MESP1: variants seen among roughly 807,000 people sequenced by gnomAD.
MESP1 encodes the protein mesoderm posterior bHLH transcription factor 1.
A neutral mutation model predicts 15.2 loss-of-function variants in MESP1; 22 were observed. The observed-to-expected ratio is 1.45, with a 90% CI of 1.04 to 2.07. MESP1 has a LOEUF of 2.07. Ranked by LOEUF, MESP1 falls within the 30% of genes most tolerant of loss-of-function variation. The pLI is 0.00. For missense variants in MESP1, 484 were observed against 411.9 expected (o/e 1.17, Z -1.51); for synonymous variants, 216 against 192.6 (o/e 1.12, Z -1.01).
the MESP1 span, among the ~76,000 whole-genome samples, chr15:89,736,409 C>T: frequency 6.6e-6 from 1 of 152,130 alleles, no homozygotes; most frequent in Admixed American, 6.5e-5. Flanking sequence ...ATTCCATGCT[C>T]ACCAGCCAGG....
chr15:89,742,947 C>T, the MESP1 span, among the ~76,000 whole-genome samples: 3 of 152,228 alleles, frequency 2.0e-5, no homozygotes, highest in African/African-American at 7.2e-5. Flanking sequence ...CCTCAATAGT[C>T]ATCCATGGTG....
Position 89,750,084 on chromosome 15 carries a change from T to G in MESP1, c.*60A>C, listed in dbSNP as rs1968051767. 2 of 1,502,186 alleles carry G rather than the reference T, an allele frequency of 1.3e-6. No individual in the cohort carries two copies. Among genetic ancestry groups the G allele is most frequent in the African/African-American group, 2.8e-5 (2 of 72,592 alleles). 93.1% of individuals were successfully genotyped at this position (1,502,186 alleles called of 1,614,324 possible). ...AAAGGCAGTCTGCCAAGGAACCACT[T>G]CGAAGGTGCTGAGGCCAAAAAGCCT... is the stretch of plus-strand genomic sequence containing the variant. On this transcript the variant is annotated 3_prime_UTR_variant, in exon 2 of 2. Transcript: ENST00000300057.
At chr15:89,740,512 T>C in the MESP1 span, among the ~76,000 whole-genome samples, 1 of 152,178 alleles carries the variant, frequency 6.6e-6, no homozygotes, top group African/African-American at 2.4e-5. Context: ...TTTTTGTTTT[T>C]GTTTTTGAAA....
chr15:89,744,742 C>T, the MESP1 span, among the ~76,000 whole-genome samples: 3 of 152,180 alleles, frequency 2.0e-5, no homozygotes, highest in Non-Finnish European at 4.4e-5. Context: ...CTTAGCCATC[C>T]AGGAGTCACA....
chr15:89,743,864 G>A, the MESP1 span, among the ~76,000 whole-genome samples: 3 of 152,070 alleles, frequency 2.0e-5, no homozygotes, highest in Non-Finnish European at 2.9e-5. Flanking sequence ...TAGCTTTGAG[G>A]AGGTGAGGCT....
chr15:89,736,191 CA>C, the MESP1 span, among the ~76,000 whole-genome samples: 1 of 152,214 alleles, frequency 6.6e-6, no homozygotes, highest in Non-Finnish European at 1.5e-5. Flanking sequence ...CGATGGACTC[CA>C]CATTCTTCAC....
Position 89,750,719 on chromosome 15 carries a change from G to T in MESP1, c.513C>A (p.Pro171=). 3 of 1,396,320 alleles carry T rather than the reference G, an allele frequency of 2.1e-6. No homozygotes were observed. The South Asian group carries it at 4.8e-5, about 22-fold the overall frequency. 86.5% of individuals were successfully genotyped at this position (1,396,320 alleles called of 1,614,324 possible). ...RGCPLCPDDC[P]AQMQTRTQAE... Reference sequence around the variant, plus strand: ...CCTGCGTCCGTGTCTGCATCTGCGCGGGGCAGTCGTCGGGGCACAGCGGGC... The same window carrying T: ...CCTGCGTCCGTGTCTGCATCTGCGCTGGGCAGTCGTCGGGGCACAGCGGGC... Residue 171 remains proline (P), a synonymous_variant, in exon 1 of 2, where the codon CCC becomes CCA. Coordinates refer to ENST00000300057, the MANE Select transcript of MESP1 (RefSeq NM_018670.4).
rs1263474065 is a variant in MESP1 at position 89,750,085 on chromosome 15, C to G, written c.*59G>C. The G allele has an allele frequency of 2.0e-6, 3 of 1,505,142 alleles. No individual in the cohort carries two copies. Among genetic ancestry groups the G allele is most frequent in the African/African-American group, 2.8e-5 (2 of 72,716 alleles). 93.2% of individuals were successfully genotyped at this position (1,505,142 alleles called of 1,614,324 possible). On this transcript the variant is annotated 3_prime_UTR_variant, in exon 2 of 2. Transcript: ENST00000300057. ...AAGGCAGTCTGCCAAGGAACCACTT[C>G]GAAGGTGCTGAGGCCAAAAAGCCTC...
chr15:89,736,747 G>A, the MESP1 span, among the ~76,000 whole-genome samples: 227 of 152,022 alleles, frequency 1.5e-3, no homozygotes, highest in Middle Eastern at 0.014. Flanking sequence ...GTGTGGGGAG[G>A]GGAAAGTGGT....
At chr15:89,743,400 C>A in the MESP1 span, 145 of 1,613,846 alleles carry the variant, frequency 9.0e-5, no homozygotes, top group African/African-American at 1.7e-3. Flanking sequence ...GAGGCTGCCA[C>A]CGCCCTGGGA....
downstream of MESP1, among the ~76,000 whole-genome samples, chr15:89,747,318 C>T (rs1006897892): frequency 1.3e-5 from 2 of 152,196 alleles, no homozygotes; most frequent in African/African-American, 4.8e-5. Flanking sequence ...ACCTTGCCAG[C>T]GGCCCTGAGC....
chr15:89,736,603 G>A, the MESP1 span, among the ~76,000 whole-genome samples: 2 of 152,102 alleles, frequency 1.3e-5, no homozygotes, highest in Admixed American at 1.3e-4. Flanking sequence ...TGCAAGCAGA[G>A]AGGAGAGTCT....
chr15:89,738,921 C>T, the MESP1 span, among the ~76,000 whole-genome samples: 1 of 152,040 alleles, frequency 6.6e-6, no homozygotes, highest in Non-Finnish European at 1.5e-5. Flanking sequence ...TTGAGACCAG[C>T]CTGGCCAACA....
the MESP1 span, chr15:89,743,634 C>T: frequency 1.9e-6 from 1 of 536,578 alleles, no homozygotes; most frequent in Non-Finnish European, 3.4e-6. Flanking sequence ...GATATTGTCT[C>T]CAGACTCCCA....
At chr15:89,737,007 G>A in the MESP1 span, among the ~76,000 whole-genome samples, 22,497 of 152,130 alleles carry the variant, frequency 0.15, 1,805 homozygotes, top group Middle Eastern at 0.24. Flanking sequence ...TAGCCAGGAT[G>A]GTCTCGATCT....
chr15:89,747,043 T>C (rs1225839533), downstream of MESP1, among the ~76,000 whole-genome samples: 7 of 66,522 alleles, frequency 1.1e-4, no homozygotes, highest in Non-Finnish European at 1.4e-4. Context: ...CACACACACA[T>C]GCGCATGCAC....
rs776942668 is a variant in MESP1 at position 89,750,886 on chromosome 15, C to G, written c.346G>C (p.Ala116Pro). The change falls in exon 1 of 2, where the codon GCG (alanine) becomes CCG (proline). Residue 116 changes from alanine (A) to proline (P), a missense_variant. By Grantham distance (27) the Ala-to-Pro change is conservative. Coordinates refer to ENST00000300057, the MANE Select transcript of MESP1 (RefSeq NM_018670.4). The part of the protein sequence containing the change: ...RRFLPPSVAP[A>P]GQSLTKIETL... Reference sequence around the variant, plus strand: ...TCGATCTTGGTCAGGCTCTGGCCCGCGGGCGCCACGGACGGCGGTAGAAAG... The same window carrying G: ...TCGATCTTGGTCAGGCTCTGGCCCGGGGGCGCCACGGACGGCGGTAGAAAG... 6.7e-6 allele frequency: 10 copies of G among 1,497,390 alleles called. No homozygotes were observed. The South Asian group carries it at 7.6e-5, about 11-fold the overall frequency. The allele number at this position is 1,497,390 out of a possible 1,614,324, so 92.8% of individuals were successfully genotyped here. A position where few individuals can be genotyped will look rare whatever the true frequency, so the allele number is the denominator to read the frequency against.
At chr15:89,748,302 C>T (rs1968012734), downstream of MESP1, among the ~76,000 whole-genome samples, 1 of 152,144 alleles carries the variant, frequency 6.6e-6, no homozygotes, top group African/African-American at 2.4e-5. Context: ...GGGGGTGACC[C>T]GCGGAGGTGT....
chr15:89,743,349 G>C, the MESP1 span: 1 of 1,614,214 alleles, frequency 6.2e-7, no homozygotes, highest in Non-Finnish European at 8.5e-7. Flanking sequence ...CCCGGCTTCA[G>C]AGGTACTCCT....
Sources: allele counts gnomAD v4.1 joint callset (sites outside exome capture counted in the v4.1 genomes callset), GRCh38; gene constraint gnomAD v4.1.1; transcripts MANE v1.5; gene names NCBI Gene and HGNC (gene_info 2026-07-23, HGNC 2026-07-21).